The following AGO2 variants were observed in gnomAD, a reference collection of about 807,000 sequenced individuals.
AGO2 encodes argonaute RISC catalytic component 2.
Under a neutral mutation model 102.3 loss-of-function variants are expected in AGO2, and 5 were observed. The observed-to-expected ratio is 0.05, with a 90% confidence interval of 0.03 to 0.10. AGO2 has a LOEUF of 0.10. Ranked by LOEUF, AGO2 falls within the 10% of genes least tolerant of loss-of-function variation. AGO2 has a pLI of 1.00. For missense variants in AGO2, 541 were observed against 1,183.7 expected (o/e 0.46, Z 7.97); for synonymous variants, 449 against 473.1 (o/e 0.95, Z 0.66).
At chr8:140,587,899 G>T (rs117060410) in intron 1 of AGO2, among the ~76,000 whole-genome samples, 19 of 152,162 alleles carry the variant, frequency 1.2e-4, no homozygotes, top group Non-Finnish European at 2.5e-4. Flanking sequence ...TGGCATTCAC[G>T]GAGCAGGTCC....
chr8:140,599,989 T>C (rs2073908724), intron 1 of AGO2, among the ~76,000 whole-genome samples: 2 of 152,208 alleles, frequency 1.3e-5, no homozygotes, highest in Non-Finnish European at 2.9e-5. Flanking sequence ...CCCAAAGTGC[T>C]GGGATTACAG....
chr8:140,588,476 C>T (rs2073692900), intron 1 of AGO2, among the ~76,000 whole-genome samples: 1 of 151,824 alleles, frequency 6.6e-6, no homozygotes, highest in South Asian at 2.1e-4. Flanking sequence ...TTAAAAAATG[C>T]TGACAGAGAC....
At position 140,549,316 on chromosome 8, in the gene AGO2, G is replaced by A. The variant is rs763077078; in HGVS notation, c.1404-18C>T. 3.2e-5 allele frequency: 51 copies of A among 1,572,182 alleles called. No individual in the cohort carries two copies. The highest frequency in any genetic ancestry group is 1.6e-4 in the South Asian group (14 of 86,822). On this transcript the variant is annotated intron_variant, in intron 11 of 18. Coordinates refer to ENST00000220592, the MANE Select transcript of AGO2 (RefSeq NM_012154.5). Reference sequence around the variant, plus strand: ...TGAAGGACCTGCAGGAGAAGGCTCCGTTCACTACCGGGCACTGGGAATGGC... The same window carrying A: ...TGAAGGACCTGCAGGAGAAGGCTCCATTCACTACCGGGCACTGGGAATGGC...
Position 140,597,474 on chromosome 8 carries a change from ACCCCCC to A in AGO2, c.23-12169_23-12164del, listed in dbSNP as rs1163320106. On this transcript the variant is annotated intron_variant, in intron 1 of 18. Transcript: ENST00000220592. The stretch of plus-strand genomic sequence containing the variant: ...CCGATGGGGGCTGGGTGGCCCCCCC[ACCCCCC>A]CCCCCCCGCCCCAGGCCTCCCTGCC... Among the ~76,000 whole-genome samples the A allele has an allele frequency of 8.6e-4, 39 of 45,246 alleles. 3 individuals carry two copies. The highest frequency in any genetic ancestry group is 8.5e-3 in the South Asian group (11 of 1,294). 29.7% of individuals were successfully genotyped at this position (45,246 alleles called of 152,430 possible).
At chr8:140,533,155 C>A (rs950106355) in intron 17 of AGO2, among the ~76,000 whole-genome samples, 1 of 151,828 alleles carries the variant, frequency 6.6e-6, no homozygotes, top group Admixed American at 6.6e-5. Context: ...TTTGGGAGGC[C>A]GAGGCGGGCA....
At chr8:140,594,095 T>G (rs890353750) in intron 1 of AGO2, among the ~76,000 whole-genome samples, 3 of 152,050 alleles carry the variant, frequency 2.0e-5, no homozygotes, top group Non-Finnish European at 2.9e-5. Context: ...CCTGAGCACC[T>G]CCTACTCCTG....
intron 17 of AGO2, chr8:140,535,263 T>C: frequency 1.7e-6 from 1 of 586,734 alleles, no homozygotes; most frequent in African/African-American, 1.9e-5. Context: ...TTCCTTTTTC[T>C]GGGAGGCTCA....
rs573580844 is a variant in AGO2 at position 140,589,088 on chromosome 8, G to T, written c.23-3777C>A. On this transcript the variant is annotated intron_variant, in intron 1 of 18. Coordinates refer to ENST00000220592, the MANE Select transcript of AGO2 (RefSeq NM_012154.5). The surrounding 1 kb of genome is among the most constrained non-coding windows in gnomAD (Gnocchi z 4.2). ...GGCGAGCCTCCTGCAGGAGCAGGCG[G>T]TCCCCTGAAGAAACTCCTTTCGGAG... Among the ~76,000 whole-genome samples the T allele has an allele frequency of 8.5e-5, 13 of 152,358 alleles. No individual in the cohort carries two copies. The South Asian group carries it at 1.9e-3, about 22-fold the overall frequency.
At chr8:140,621,648 G>C (rs1294906043) in intron 1 of AGO2, among the ~76,000 whole-genome samples, 2 of 152,132 alleles carry the variant, frequency 1.3e-5, no homozygotes, top group South Asian at 4.1e-4. Flanking sequence ...GTACACTCTG[G>C]CATGAAGAAA....
At chr8:140,558,619 G>C in intron 6 of AGO2, 47 bp from the exon 7 acceptor site, 2 of 1,584,480 alleles carry the variant, frequency 1.3e-6, no homozygotes, top group Non-Finnish European at 1.7e-6. Context: ...GTCCCGACCT[G>C]AGTGCAGGCG....
chr8:140,625,540 G>A (rs1409622737), intron 1 of AGO2, among the ~76,000 whole-genome samples: 2 of 152,088 alleles, frequency 1.3e-5, no homozygotes, highest in African/African-American at 4.8e-5. Flanking sequence ...TGGCTCACTG[G>A]TGAGTCCTGT....
At chr8:140,569,287 C>T (rs138619763) in intron 3 of AGO2, among the ~76,000 whole-genome samples, 7 of 152,356 alleles carry the variant, frequency 4.6e-5, no homozygotes, top group Non-Finnish European at 1.0e-4. Flanking sequence ...TTGTTCTGAG[C>T]TGTGGGTCTG....
chr8:140,538,393 T>C (rs1291837151), intron 16 of AGO2, among the ~76,000 whole-genome samples: 2 of 152,218 alleles, frequency 1.3e-5, no homozygotes, highest in African/African-American at 4.8e-5. Context: ...GCTACCTTGA[T>C]GTTATGCAGG....
At position 140,523,041 on chromosome 8, in the gene AGO2, T is replaced by C. The variant is rs938483124; in HGVS notation, c.*9003A>G. 6.6e-6 allele frequency: 1 copy of C among 152,256 alleles called. No homozygotes were observed. Among genetic ancestry groups the C allele is most frequent in the Non-Finnish European group, 1.5e-5 (1 of 68,050 alleles). The allele number at this position is 152,256 out of a possible 1,614,324, so 9.4% of individuals were successfully genotyped here. ...ATTTTATAATTAATTTTACAATTCA[T>C]GTAGCAAATGGAAAATCATACAGAG... On this transcript the variant is annotated 3_prime_UTR_variant, in exon 19 of 19. Coordinates refer to ENST00000220592, the MANE Select transcript of AGO2 (RefSeq NM_012154.5).
chr8:140,588,392 T>C (rs975843703), intron 1 of AGO2, among the ~76,000 whole-genome samples: 1 of 147,270 alleles, frequency 6.8e-6, no homozygotes. Flanking sequence ...GTTTGCACTA[T>C]ACTGTAGTCT....
intron 1 of AGO2, among the ~76,000 whole-genome samples, chr8:140,609,745 T>C (rs2074051660): frequency 6.6e-6 from 1 of 152,010 alleles, no homozygotes; most frequent in Admixed American, 6.6e-5. Context: ...GCTCAAGACA[T>C]CAACTGTACA....
At chr8:140,566,939 C>T (rs541592004) in intron 3 of AGO2, among the ~76,000 whole-genome samples, 10 of 152,182 alleles carry the variant, frequency 6.6e-5, no homozygotes, top group African/African-American at 1.7e-4. Context: ...AGTGGGAGAG[C>T]GCGTGCATTT....
chr8:140,618,023 G>T (rs2074163752), intron 1 of AGO2, among the ~76,000 whole-genome samples: 1 of 150,992 alleles, frequency 6.6e-6, no homozygotes, highest in Non-Finnish European at 1.5e-5. Flanking sequence ...AAAAAGTTGG[G>T]CCAGGCATGG....
At chr8:140,558,695 C>A in intron 6 of AGO2, 123 bp from the exon 7 acceptor site, 1 of 1,057,542 alleles carries the variant, frequency 9.5e-7, no homozygotes, top group South Asian at 1.4e-5. Flanking sequence ...GGCTGCAGGG[C>A]TCCCCTAGGG....
Sources: allele counts gnomAD v4.1 joint callset (sites outside exome capture counted in the v4.1 genomes callset), GRCh38; gene constraint gnomAD v4.1.1; non-coding constraint Gnocchi (gnomAD v3.1); transcripts MANE v1.5; gene names NCBI Gene and HGNC (gene_info 2026-07-23, HGNC 2026-07-21).